Variants in LYPD6B observed in about 807,000 individuals in gnomAD.
LYPD6B encodes ly6/PLAUR domain-containing protein 6B.
A neutral mutation model predicts 22.8 loss-of-function variants in LYPD6B; 17 were observed. The observed-to-expected ratio is 0.75, with a 90% CI of 0.51 to 1.12. The LOEUF (loss-of-function observed/expected upper bound fraction) is 1.12. LYPD6B is among the 50% of genes most tolerant of loss of function. The pLI, the probability that LYPD6B is intolerant of heterozygous loss-of-function variation, is 0.00. For missense variants in LYPD6B, 221 were observed against 258.3 expected (o/e 0.86, Z 0.99); for synonymous variants, 106 against 91.6 (o/e 1.16, Z -0.90).
intron 3 of LYPD6B, among the ~76,000 whole-genome samples, chr2:149,179,966 A>G (rs909522999): frequency 1.3e-5 from 2 of 152,058 alleles, no homozygotes; most frequent in African/African-American, 2.4e-5. Flanking sequence ...ACTTTTATTT[A>G]TTTTATTTTT....
At chr2:149,179,916 C>G (rs976953241) in intron 3 of LYPD6B, among the ~76,000 whole-genome samples, 19 of 152,234 alleles carry the variant, frequency 1.2e-4, no homozygotes, top group African/African-American at 4.1e-4. Flanking sequence ...AAAACCAAAA[C>G]AGCCATATCT....
Position 149,158,131 on chromosome 2 carries a change from G to A in LYPD6B, c.6-2633G>A, listed in dbSNP as rs73010464. Reference sequence around the variant, plus strand: ...TTTTCTTGCTGCTACTACTGATTCTGAAACTAGGATTTGTATAATTAACTG... The same window carrying A: ...TTTTCTTGCTGCTACTACTGATTCTAAAACTAGGATTTGTATAATTAACTG... On this transcript the variant is annotated intron_variant, in intron 2 of 6. Coordinates refer to ENST00000409642, the MANE Select transcript of LYPD6B (RefSeq NM_177964.5). Among the ~76,000 whole-genome samples, 415 of 152,262 alleles carry A rather than the reference G, an allele frequency of 2.7e-3. 5 individuals carry two copies. The highest frequency in any genetic ancestry group is 9.6e-3 in the African/African-American group (398 of 41,542).
intron 1 of LYPD6B, among the ~76,000 whole-genome samples, chr2:149,083,122 G>A (rs1685212845): frequency 6.6e-6 from 1 of 152,132 alleles, no homozygotes; most frequent in Admixed American, 6.6e-5. Context: ...TCACAGGGGG[G>A]CATACCTGCA....
chr2:149,052,704 A>G (rs558249907), intron 1 of LYPD6B, among the ~76,000 whole-genome samples: 3 of 152,302 alleles, frequency 2.0e-5, no homozygotes, highest in African/African-American at 4.8e-5. Flanking sequence ...GACTTGCTCA[A>G]TTTGCAGCAT....
intron 2 of LYPD6B, among the ~76,000 whole-genome samples, chr2:149,135,857 C>T (rs1275114320): frequency 6.6e-6 from 1 of 151,592 alleles, no homozygotes. Context: ...AGAGCTGATA[C>T]CTTATGTCAC....
intron 2 of LYPD6B, among the ~76,000 whole-genome samples, chr2:149,152,315 A>G (rs898427681): frequency 6.6e-6 from 1 of 152,228 alleles, no homozygotes; most frequent in African/African-American, 2.4e-5. Flanking sequence ...CCTGTGCTAG[A>G]TCATGGGGTA....
chr2:149,172,895 C>G (rs1342234447), intron 3 of LYPD6B, among the ~76,000 whole-genome samples: 1 of 152,064 alleles, frequency 6.6e-6, no homozygotes, highest in Non-Finnish European at 1.5e-5. Flanking sequence ...GCTCCCAGCT[C>G]TCCAGGTCTT....
chr2:149,126,407 G>A (rs1240452508), intron 1 of LYPD6B, among the ~76,000 whole-genome samples: 1 of 152,076 alleles, frequency 6.6e-6, no homozygotes, highest in Non-Finnish European at 1.5e-5. Flanking sequence ...TACTTATTTT[G>A]TATGTTATAT....
chr2:149,167,747 G>C (rs966882211), intron 3 of LYPD6B, among the ~76,000 whole-genome samples: 29 of 152,042 alleles, frequency 1.9e-4, no homozygotes, highest in African/African-American at 7.0e-4. Flanking sequence ...AGGATTTCTG[G>C]GTTTAATTGC....
chr2:149,073,013 A>G (rs1684693757), intron 1 of LYPD6B, among the ~76,000 whole-genome samples: 1 of 152,198 alleles, frequency 6.6e-6, no homozygotes, highest in Admixed American at 6.5e-5. Flanking sequence ...AAGGAACACC[A>G]AGGAGGCCAG....
At chr2:149,040,451 C>G (rs1251086868) in intron 1 of LYPD6B, among the ~76,000 whole-genome samples, 1 of 152,082 alleles carries the variant, frequency 6.6e-6, no homozygotes, top group Non-Finnish European at 1.5e-5. Flanking sequence ...GTCTCGAACT[C>G]CTAACCTCAA....
chr2:149,136,404 A>G (rs980509939), intron 2 of LYPD6B, among the ~76,000 whole-genome samples: 1 of 152,250 alleles, frequency 6.6e-6, no homozygotes, highest in African/African-American at 2.4e-5. Context: ...GCCAGAGGCC[A>G]ACTCCAGCAT....
intron 2 of LYPD6B, among the ~76,000 whole-genome samples, chr2:149,152,986 T>C (rs1200026176): frequency 6.6e-6 from 1 of 152,156 alleles, no homozygotes; most frequent in Admixed American, 6.5e-5. Context: ...AAGGAAGCAC[T>C]AAGTCCCCTA....
intron 3 of LYPD6B, among the ~76,000 whole-genome samples, chr2:149,163,233 C>A (rs1181992538): frequency 6.6e-6 from 1 of 152,088 alleles, no homozygotes; most frequent in Non-Finnish European, 1.5e-5. Flanking sequence ...ATAGATGCAG[C>A]AATTTTGGTT....
chr2:149,212,937 T>C (rs1011594457), intron 5 of LYPD6B, 55 bp from the exon 6 acceptor site: 1 of 1,564,900 alleles, frequency 6.4e-7, no homozygotes, highest in Admixed American at 1.8e-5. Context: ...TTTTGTAATA[T>C]GGATATTGAA....
At chr2:149,132,271 C>G (rs1688077321) in intron 2 of LYPD6B, among the ~76,000 whole-genome samples, 1 of 149,604 alleles carries the variant, frequency 6.7e-6, no homozygotes, top group African/African-American at 2.5e-5. Context: ...AAGCAGCATT[C>G]TAGATGGAAC....
At chr2:149,165,535 A>T (rs1690363994) in intron 3 of LYPD6B, among the ~76,000 whole-genome samples, 1 of 152,240 alleles carries the variant, frequency 6.6e-6, no homozygotes, top group Admixed American at 6.5e-5. Flanking sequence ...AGTTAATAAC[A>T]ACACAAGCAG....
chr2:149,199,827 G>T lies in LYPD6B; in HGVS notation c.78-5426G>T, dbSNP rs139658791. Among the ~76,000 whole-genome samples the T allele has an allele frequency of 3.1e-3, 466 of 152,322 alleles. 4 individuals are homozygous for T. The highest frequency in any genetic ancestry group is 7.7e-3 in the African/African-American group (321 of 41,582). ...AGGAACTGGGTTCCCAACGCCCAGG[G>T]AAGGTTAGGAACTGAAGCCTCAGTT... is the stretch of plus-strand genomic sequence containing the variant. On this transcript the variant is annotated intron_variant, in intron 3 of 6. Transcript: ENST00000409642.
chr2:149,168,853 T>C (rs769647597), intron 3 of LYPD6B, among the ~76,000 whole-genome samples: 10 of 152,172 alleles, frequency 6.6e-5, no homozygotes, highest in Non-Finnish European at 1.5e-4. Flanking sequence ...CTTTGTAAGT[T>C]TACTTTGGGG....
Sources: gnomAD v4.1 joint callset for allele counts (sites outside exome capture counted in the v4.1 genomes callset) on GRCh38, gnomAD v4.1.1 for gene constraint, MANE v1.5 for transcripts, NCBI Gene and HGNC (gene_info 2026-07-23, HGNC 2026-07-21) for gene names.